Variants in SGIP1 observed in about 807,000 individuals in gnomAD.
SGIP1 encodes SH3-containing GRB2-like protein 3-interacting protein 1.
A neutral mutation model predicts 107.5 loss-of-function variants in SGIP1; 38 were observed. The ratio of observed to expected loss-of-function variants is 0.35; its 90% confidence interval spans 0.27 to 0.46. The LOEUF (loss-of-function observed/expected upper bound fraction) is 0.46. Among genes scored for constraint, SGIP1 ranks in the 20% least tolerant of loss-of-function variants. The probability of loss-of-function intolerance (pLI) is 1.00; values close to 1 mark genes in which losing one functional copy is unlikely to be tolerated. For missense variants in SGIP1, 929 were observed against 1,019.5 expected (o/e 0.91, Z 1.21); for synonymous variants, 365 against 366.1 (o/e 1.00, Z 0.03).
At chr1:66,696,655 T>A (rs2090983612) in intron 18 of SGIP1, among the ~76,000 whole-genome samples, 1 of 152,182 alleles carries the variant, frequency 6.6e-6, no homozygotes, top group Non-Finnish European at 1.5e-5. Context: ...GGAAAGATGG[T>A]CTGATTTCAA....
At chr1:66,625,540 C>T (rs1447704299) in intron 1 of SGIP1, among the ~76,000 whole-genome samples, 1 of 152,188 alleles carries the variant, frequency 6.6e-6, no homozygotes, top group Non-Finnish European at 1.5e-5. Context: ...CTGGCAGAAC[C>T]CCAATATGGG....
intron 1 of SGIP1, among the ~76,000 whole-genome samples, chr1:66,572,180 G>C (rs1450962031): frequency 6.6e-6 from 1 of 151,912 alleles, no homozygotes; most frequent in Non-Finnish European, 1.5e-5. Context: ...GAGAAATACA[G>C]AAAGACCATT....
intron 2 of SGIP1, among the ~76,000 whole-genome samples, chr1:66,630,828 A>AG (rs1354676829): frequency 0.015 from 118 of 7,640 alleles, 8 homozygotes; most frequent in African/African-American, 0.095. Flanking sequence ...AGAAAGAAAG[A>AG]AAGAAAGAAA....
intron 18 of SGIP1, among the ~76,000 whole-genome samples, chr1:66,698,265 GCTTTT>G (rs565813610): frequency 2.6e-5 from 4 of 151,760 alleles, no homozygotes; most frequent in Non-Finnish European, 5.9e-5. Flanking sequence ...GAGTCCCAGT[GCTTTT>G]CTGAATGTTT....
intron 19 of SGIP1, among the ~76,000 whole-genome samples, chr1:66,721,771 G>A (rs750310839): frequency 1.2e-4 from 18 of 152,046 alleles, no homozygotes; most frequent in African/African-American, 2.9e-4. Flanking sequence ...AGTGAAAACC[G>A]CTGGGGATCA....
intron 1 of SGIP1, among the ~76,000 whole-genome samples, chr1:66,580,859 T>C (rs1208971708): frequency 2.6e-5 from 4 of 152,120 alleles, no homozygotes; most frequent in Non-Finnish European, 5.9e-5. Context: ...ACTTTATTCA[T>C]ACAGTATAAA....
intron 1 of SGIP1, among the ~76,000 whole-genome samples, chr1:66,598,961 C>G (rs185547050): frequency 6.6e-6 from 1 of 152,082 alleles, no homozygotes; most frequent in African/African-American, 2.4e-5. Context: ...AAGCACAGTC[C>G]AAAATGTAGA....
intron 1 of SGIP1, among the ~76,000 whole-genome samples, chr1:66,576,295 T>C (rs116241558): frequency 6.6e-6 from 1 of 152,304 alleles, no homozygotes; most frequent in Non-Finnish European, 1.5e-5. Context: ...TGAAGTGAAA[T>C]AATTGTAACC....
At chr1:66,545,755 A>C (rs2056249389) in intron 1 of SGIP1, among the ~76,000 whole-genome samples, 2 of 151,962 alleles carry the variant, frequency 1.3e-5, no homozygotes, top group Non-Finnish European at 2.9e-5. Context: ...CAGGTCCAAA[A>C]TTTGTAGCAC....
In SGIP1 at chr1:66,675,537, CTTTCTTTTTT is replaced by C. The variant is rs1392471292; in HGVS notation, c.647-1463_647-1454del. On this transcript the variant is annotated intron_variant, in intron 12 of 24. Transcript: ENST00000371037. ...TTTCGTTGTTTTTCTTTTTCTTTTT[CTTTCTTTTTT>C]TTTTTTTTTTTTGACAGAATCTCAC... Among the ~76,000 whole-genome samples the C allele has an allele frequency of 2.4e-4, 26 of 109,222 alleles. 1 individual carries two copies. The highest frequency in any genetic ancestry group is 9.1e-4 in the African/African-American group (22 of 24,262). 71.7% of individuals were successfully genotyped at this position (109,222 alleles called of 152,430 possible). A position where few individuals can be genotyped will look rare whatever the true frequency, so the allele number is the denominator to read the frequency against.
At chr1:66,691,447 C>T (rs192237394) in intron 17 of SGIP1, among the ~76,000 whole-genome samples, 52 of 152,258 alleles carry the variant, frequency 3.4e-4, no homozygotes, top group Middle Eastern at 3.4e-3. Context: ...CCCAAAAGAA[C>T]CTTTCAAGTT....
chr1:66,739,424 C>T lies in SGIP1; in HGVS notation c.2121C>T (p.Tyr707=). ...CAAGCACTGACCTGCGCATAGATTA[C>T]AAATATAATACAGATGCAATGACGA... The part of the protein sequence containing the change: ...EPSSTDLRID[Y]KYNTDAMTTA... Residue 707 remains tyrosine, a synonymous_variant, in exon 22 of 25, where the codon TAC becomes TAT. Coordinates refer to ENST00000371037, the MANE Select transcript of SGIP1 (RefSeq NM_032291.4). 1.9e-6 allele frequency: 3 copies of T among 1,614,178 alleles called. No individual in the cohort carries two copies. The highest frequency in any genetic ancestry group is 2.5e-6 in the Non-Finnish European group (3 of 1,180,040).
chr1:66,682,190 T>C lies in SGIP1; in HGVS notation c.1136T>C (p.Val379Ala). 6.2e-7 allele frequency: 1 copy of C among 1,614,130 alleles called. No homozygotes were observed. Among genetic ancestry groups the C allele is most frequent in the South Asian group, 1.1e-5 (1 of 91,080 alleles). ...CTATCGCCGCTCAATTTAGAAGAAG[T>C]CCAGAAGAAAGTCGCTGAGCAGACC... ...NVLSPLNLEE[V>A]QKKVAEQTFI... The change falls in exon 15 of 25, where the codon GTC becomes GCC. Residue 379 changes from valine (V) to alanine (A), a missense_variant. Val to Ala is a moderately conservative substitution (Grantham distance 64). Coordinates refer to ENST00000371037, the MANE Select transcript of SGIP1 (RefSeq NM_032291.4).
intron 1 of SGIP1, among the ~76,000 whole-genome samples, chr1:66,563,311 C>A (rs10749761): frequency 0.37 from 55,539 of 151,518 alleles, 11,005 homozygotes; most frequent in South Asian, 0.64. Flanking sequence ...GGAGCTGTCC[C>A]TCTGTCTGAC....
At chr1:66,626,133 CTTTCTTTTTTTTTT>C (rs1411044162) in intron 2 of SGIP1, 1 of 155,536 alleles carries the variant, frequency 6.4e-6, no homozygotes, top group Non-Finnish European at 1.2e-5. Flanking sequence ...ATTTTTCTTT[CTTTCTTTTTTTTTT>C]TTTTTTTTTT....
chr1:66,657,856 C>G (rs1296263408), intron 7 of SGIP1, among the ~76,000 whole-genome samples: 4 of 152,136 alleles, frequency 2.6e-5, no homozygotes, highest in African/African-American at 9.6e-5. Flanking sequence ...TCTTATTTAT[C>G]TTTTCCATAA....
chr1:66,676,717 T>C (rs2085439791), intron 12 of SGIP1, among the ~76,000 whole-genome samples: 1 of 152,150 alleles, frequency 6.6e-6, no homozygotes, highest in South Asian at 2.1e-4. Context: ...ATACTCAGAA[T>C]GTCCTTACGT....
intron 8 of SGIP1, 137 bp from the exon 9 acceptor site, chr1:66,667,393 C>T: frequency 2.5e-6 from 2 of 814,122 alleles, no homozygotes; most frequent in South Asian, 2.8e-5. Flanking sequence ...CTAGGACTGC[C>T]TGTCTTCCTT....
chr1:66,738,395 C>T (rs1223251705), intron 21 of SGIP1, among the ~76,000 whole-genome samples: 3 of 152,208 alleles, frequency 2.0e-5, no homozygotes, highest in African/African-American at 7.2e-5. Context: ...AGACACCACT[C>T]ATCTGATCCC....
Sources: allele counts gnomAD v4.1 joint callset (sites outside exome capture counted in the v4.1 genomes callset), GRCh38; gene constraint gnomAD v4.1.1; transcripts MANE v1.5; gene names NCBI Gene and HGNC (gene_info 2026-07-23, HGNC 2026-07-21).